ZNF808: variants seen among roughly 807,000 people sequenced by gnomAD.
ZNF808 encodes zinc finger protein 808.
Under a neutral mutation model 8.7 loss-of-function variants are expected in ZNF808, and 5 were observed. That is an observed-to-expected ratio of 0.58 (90% CI 0.30 to 1.21). The LOEUF (loss-of-function observed/expected upper bound fraction) is 1.21, where lower values mean the gene tolerates loss of function less well. Ranked by LOEUF, ZNF808 falls within the 50% of genes most tolerant of loss-of-function variation. ZNF808 has a pLI of 0.07. For missense variants in ZNF808, 1,103 were observed against 1,098.4 expected (o/e 1.00, Z -0.06); for synonymous variants, 380 against 366.0 (o/e 1.04, Z -0.44).
chr19:52,532,742 TATTAAG>T (rs761128341), intron 1 of ZNF808, among the ~76,000 whole-genome samples, 160 bp from the exon 2 acceptor site: 1 of 152,100 alleles, frequency 6.6e-6, no homozygotes, highest in Admixed American at 6.6e-5. Flanking sequence ...GTAAAGTATT[TATTAAG>T]TATTTATTAA....
chr19:52,553,567 A>G lies in ZNF808; in HGVS notation c.651A>G (p.Leu217=), dbSNP rs750564472. 4 of 1,614,092 alleles carry G rather than the reference A, an allele frequency of 2.5e-6. No individual in the cohort carries two copies. The highest frequency in any genetic ancestry group is 3.4e-6 in the Non-Finnish European group (4 of 1,180,016). ...NYGNNPLNSS[L]LPQKQEVHMR... is the part of the protein sequence containing the mutation. ...GGAATAATCCCCTGAATTCTTCATT[A>G]CTCCCACAAAAACAGGAAGTACACA... is the stretch of plus-strand genomic sequence containing the variant. Residue 217 remains leucine (L), a synonymous_variant, in exon 5 of 5, where the codon TTA becomes TTG. Transcript: ENST00000359798.
At chr19:52,542,721 C>G (rs7253526) in intron 2 of ZNF808, among the ~76,000 whole-genome samples, 2,128 of 152,070 alleles carry the variant, frequency 0.014, 59 homozygotes, top group African/African-American at 0.048. Context: ...GAAGGCGGGA[C>G]AACTTTAAAC....
At chr19:52,545,595 T>C (rs1568484663) in intron 3 of ZNF808, among the ~76,000 whole-genome samples, 1 of 152,008 alleles carries the variant, frequency 6.6e-6, no homozygotes, top group Non-Finnish European at 1.5e-5. Context: ...CTGGCTAAGA[T>C]GGTGAAACCC....
Position 52,555,389 on chromosome 19 carries a change from G to C in ZNF808, c.2473G>C (p.Gly825Arg). The C allele has an allele frequency of 1.2e-6, 2 of 1,614,088 alleles. No homozygotes were observed. Among genetic ancestry groups the C allele is most frequent in the Non-Finnish European group, 1.7e-6 (2 of 1,180,004 alleles). The change falls in exon 5 of 5, where the codon GGA becomes CGA. Residue 825 changes from glycine to arginine, a missense_variant. By Grantham distance (125) the Gly-to-Arg change is moderately radical. Transcript: ENST00000359798. ...GAAACCTTACAAGTGTAATGAATGT[G>C]GAAAGGCTTTTAATGAACAATCACA... Reference protein sequence around the residue: ...AEKPYKCNECGKAFNEQSHLS... With the variant: ...AEKPYKCNECRKAFNEQSHLS...
At chr19:52,559,189 T>C (rs985027223), downstream of ZNF808, among the ~76,000 whole-genome samples, 4 of 151,302 alleles carry the variant, frequency 2.6e-5, no homozygotes, top group Non-Finnish European at 5.9e-5. Flanking sequence ...GGCATCTGTC[T>C]CCTGCTGGTC....
chr19:52,547,150 G>A (rs1197953839), intron 3 of ZNF808, among the ~76,000 whole-genome samples: 2 of 151,780 alleles, frequency 1.3e-5, no homozygotes, highest in East Asian at 1.9e-4. Flanking sequence ...TTTTCACCAC[G>A]TTGACCAGGC....
chr19:52,564,359 C>A lies in ZNF808; in HGVS notation c.*1464C>A, dbSNP rs1200603055. 3 of 525,494 alleles carry A rather than the reference C, an allele frequency of 5.7e-6. No individual in the cohort carries two copies. In the East Asian group the frequency reaches 1.0e-4, roughly 18 times the overall value. 32.6% of individuals were successfully genotyped at this position (525,494 alleles called of 1,614,324 possible). A position where few individuals can be genotyped will look rare whatever the true frequency, so the allele number is the denominator to read the frequency against. Reference sequence around the variant, plus strand: ...TTATTGGGAATATATTTTTTTCTCTCTGAATCTGTTATGAACGCATTGGTT... The same window carrying A: ...TTATTGGGAATATATTTTTTTCTCTATGAATCTGTTATGAACGCATTGGTT... On this transcript the variant is annotated 3_prime_UTR_variant and NMD_transcript_variant, in exon 4 of 4. Transcript: ENST00000487863.
At chr19:52,546,485 G>C (rs2059721417) in intron 3 of ZNF808, among the ~76,000 whole-genome samples, 1 of 151,816 alleles carries the variant, frequency 6.6e-6, no homozygotes. Flanking sequence ...GTGCCTGACC[G>C]ATCATGATAG....
intron 2 of ZNF808, among the ~76,000 whole-genome samples, chr19:52,533,373 C>T (rs1298369396): frequency 2.0e-5 from 3 of 151,944 alleles, no homozygotes; most frequent in Admixed American, 1.3e-4. Flanking sequence ...ACTACAGGCA[C>T]CCGCTATAAT....
Position 52,548,161 on chromosome 19 carries a change from G to A in ZNF808, c.190+523G>A, listed in dbSNP as rs370920809. ...CAGTGGTGTTGCAATTCCTCCCAGC[G>A]AGGACATCATTCGGGCTCACAGCCT... On this transcript the variant is annotated intron_variant, in intron 4 of 4. Coordinates refer to ENST00000359798, the MANE Select transcript of ZNF808 (RefSeq NM_001039886.4). 2.7e-4 allele frequency among the ~76,000 whole-genome samples: 41 copies of A among 152,226 alleles called. No homozygotes were observed. The East Asian group carries it at 5.6e-3, about 21-fold the overall frequency.
downstream of ZNF808, chr19:52,556,858 G>C (rs1030270507): frequency 1.3e-5 from 2 of 152,160 alleles, no homozygotes; most frequent in African/African-American, 4.8e-5. Context: ...TCAGCTGGGA[G>C]CTATTTATTG....
intron 3 of ZNF808, among the ~76,000 whole-genome samples, chr19:52,561,569 C>T (rs1336369997): frequency 6.8e-6 from 1 of 146,628 alleles, no homozygotes; most frequent in Non-Finnish European, 1.5e-5. Context: ...TTTTTTGAGA[C>T]GGAGTTTCGT....
chr19:52,567,737 C>G (rs1333780287), downstream of ZNF808, among the ~76,000 whole-genome samples: 1 of 151,840 alleles, frequency 6.6e-6, no homozygotes, highest in Non-Finnish European at 1.5e-5. Context: ...ATTGGTCAGG[C>G]TGGTCTCGAA....
chr19:52,537,532 G>T (rs1331846802), intron 2 of ZNF808, among the ~76,000 whole-genome samples: 1 of 152,010 alleles, frequency 6.6e-6, no homozygotes, highest in East Asian at 1.9e-4. Context: ...CAAAAAGAAA[G>T]AAAAAATTAA....
At chr19:52,549,583 C>T (rs1005002578) in intron 4 of ZNF808, among the ~76,000 whole-genome samples, 1 of 152,038 alleles carries the variant, frequency 6.6e-6, no homozygotes, top group Non-Finnish European at 1.5e-5. Flanking sequence ...AACATTTGCT[C>T]AATTAGTTCC....
chr19:52,549,592 C>A (rs1250320314), intron 4 of ZNF808, among the ~76,000 whole-genome samples: 1 of 152,046 alleles, frequency 6.6e-6, no homozygotes, highest in African/African-American at 2.4e-5. Flanking sequence ...TCAATTAGTT[C>A]CACTTTCGTC....
chr19:52,553,422 T>C lies in ZNF808; in HGVS notation c.506T>C (p.Ile169Thr). The change falls in exon 5 of 5, where the codon ATA (isoleucine) becomes ACA (threonine). Residue 169 changes from isoleucine (I) to threonine (T), a missense_variant. Physicochemically the swap from Ile to Thr is moderately conservative, Grantham distance 89. Transcript: ENST00000359798. ...TATTCACATCTGCCTGAACTCCACA[T>C]ATTTCAGATCAAAGGTGAAATTGCT... ...SFYSHLPELH[I>T]FQIKGEIANQ... 6.2e-7 allele frequency: 1 copy of C among 1,614,182 alleles called. No homozygotes were observed. The highest frequency in any genetic ancestry group is 8.5e-7 in the Non-Finnish European group (1 of 1,180,030).
chr19:52,530,067 C>A (rs1402821047), intron 1 of ZNF808, among the ~76,000 whole-genome samples: 1 of 151,846 alleles, frequency 6.6e-6, no homozygotes, highest in Non-Finnish European at 1.5e-5. Context: ...CATAGCCCCC[C>A]CCTTTTTTTT....
In ZNF808 at chr19:52,553,550, C is replaced by A; in HGVS notation, c.634C>A (p.Pro212Thr). 6.2e-7 allele frequency: 1 copy of A among 1,614,106 alleles called. No individual in the cohort carries two copies. The highest frequency in any genetic ancestry group is 8.5e-7 in the Non-Finnish European group (1 of 1,180,024). ...IHISNNYGNN[P>T]LNSSLLPQKQ... ...TATTTCTAATAACTATGGGAATAAT[C>A]CCCTGAATTCTTCATTACTCCCACA... Residue 212 changes from proline (P) to threonine (T), a missense_variant, in exon 5 of 5, where the codon CCC (proline) becomes ACC (threonine). Pro to Thr is a conservative substitution (Grantham distance 38). Coordinates refer to ENST00000359798, the MANE Select transcript of ZNF808 (RefSeq NM_001039886.4).
Sources: gnomAD v4.1 joint callset for allele counts (sites outside exome capture counted in the v4.1 genomes callset) on GRCh38, gnomAD v4.1.1 for gene constraint, MANE v1.5 for transcripts, NCBI Gene and HGNC (gene_info 2026-07-23, HGNC 2026-07-21) for gene names.